Variants in SPATA24 observed in about 807,000 individuals in gnomAD.
SPATA24 encodes the protein spermatogenesis-associated protein 24.
Under a neutral mutation model 28.9 loss-of-function variants are expected in SPATA24, and 21 were observed. The observed-to-expected ratio is 0.73, with a 90% CI of 0.52 to 1.05. The LOEUF (loss-of-function observed/expected upper bound fraction) is 1.05, where lower values mean the gene tolerates loss of function less well. SPATA24 is among the 50% of genes least tolerant of loss of function. SPATA24 has a pLI of 0.00. For missense variants in SPATA24, 215 were observed against 242.9 expected (o/e 0.88, Z 0.76); for synonymous variants, 76 against 89.9 (o/e 0.85, Z 0.88).
At chr5:139,392,783 G>C, downstream of SPATA24, 1 of 1,450,476 alleles carries the variant, frequency 6.9e-7, no homozygotes, top group African/African-American at 1.5e-5. The surrounding 1 kb of genome is among the most constrained non-coding windows in gnomAD (Gnocchi z 5.8). Flanking sequence ...GGGACCAGGC[G>C]CTGGGCCTCT....
At chr5:139,392,966 C>A, downstream of SPATA24, 1 of 1,504,028 alleles carries the variant, frequency 6.6e-7, no homozygotes, top group Non-Finnish European at 8.9e-7. The surrounding 1 kb of genome is among the most constrained non-coding windows in gnomAD (Gnocchi z 5.8). Context: ...GCGTCCCGGG[C>A]GACCGTGTCG....
downstream of SPATA24, chr5:139,394,538 C>T (rs1343525538): frequency 2.7e-6 from 4 of 1,485,596 alleles, no homozygotes; most frequent in Non-Finnish European, 3.6e-6. Flanking sequence ...TGCGCTGGGG[C>T]GGCAGGACTT....
At chr5:139,393,002 G>A (rs770044205), downstream of SPATA24, 284 of 1,518,890 alleles carry the variant, frequency 1.9e-4, no homozygotes, top group Non-Finnish European at 2.3e-4. Context: ...GGCTCGTAGG[G>A]GTGCGGCACC....
rs1758876904 is a variant in SPATA24 at position 139,403,959 on chromosome 5, G to C, written c.102C>G (p.His34Gln). 1.9e-6 allele frequency: 3 copies of C among 1,551,586 alleles called. No homozygotes were observed. Among genetic ancestry groups the C allele is most frequent in the Non-Finnish European group, 2.6e-6 (3 of 1,146,908 alleles). Residue 34 changes from histidine to glutamine, a missense_variant, in exon 1 of 6, where the codon CAC becomes CAG. His to Gln is a conservative substitution (Grantham distance 24, BLOSUM62 0). Transcript: ENST00000450845. ...DVIESQEELI[H>Q]QLRNVMVLQD... ...GGCTGCATACCACGTTCCTCAGCTG[G>C]TGGATTAGTTCCTCCTGAGACTCAA... is the stretch of plus-strand genomic sequence containing the variant.
chr5:139,400,513 G>C (rs1295599933), intron 4 of SPATA24, among the ~76,000 whole-genome samples: 1 of 151,916 alleles, frequency 6.6e-6, no homozygotes, highest in African/African-American at 2.4e-5. Context: ...TCACCATGTT[G>C]GCCAGGCTGG....
intron 4 of SPATA24, among the ~76,000 whole-genome samples, chr5:139,400,920 G>A (rs1270135718): frequency 6.6e-6 from 1 of 152,184 alleles, no homozygotes; most frequent in East Asian, 1.9e-4. Flanking sequence ...CACTTTGGGA[G>A]GCTGAGGTGG....
At chr5:139,396,241 ATGT>A (rs1330319357), downstream of SPATA24, 14 of 985,110 alleles carry the variant, frequency 1.4e-5, no homozygotes, top group Admixed American at 8.0e-4. Flanking sequence ...TTCTGAAAAA[ATGT>A]TGCTGCTCCA....
chr5:139,392,718 G>A (rs116313480), downstream of SPATA24: 1,515 of 1,415,120 alleles, frequency 1.1e-3, 15 homozygotes, highest in African/African-American at 0.021. This position sits in a 1 kb window ranked among gnomAD's most constrained non-coding sequence, Gnocchi z 5.8. Flanking sequence ...CTACGGGGGA[G>A]CGCTGGGATG....
chr5:139,393,589 G>A (rs1280036162), downstream of SPATA24: 1 of 1,550,900 alleles, frequency 6.4e-7, no homozygotes, highest in African/African-American at 1.4e-5. Context: ...GAAGGCCGGC[G>A]GGGACGGGCT....
At chr5:139,394,810 C>A, downstream of SPATA24, 1 of 1,529,246 alleles carries the variant, frequency 6.5e-7, no homozygotes. Flanking sequence ...GGAACCTGGG[C>A]CTCGCGGGAA....
downstream of SPATA24, chr5:139,396,750 A>C: frequency 6.4e-7 from 1 of 1,551,412 alleles, no homozygotes; most frequent in Non-Finnish European, 8.7e-7. Flanking sequence ...CAGAGCAGAG[A>C]AGGCAGAGGC....
intron 4 of SPATA24, among the ~76,000 whole-genome samples, chr5:139,400,401 G>A (rs1444093327): frequency 6.6e-6 from 1 of 151,294 alleles, no homozygotes; most frequent in African/African-American, 2.4e-5. Context: ...CTGCCTCCTG[G>A]GTTCAAGCAG....
intron 1 of SPATA24, among the ~76,000 whole-genome samples, chr5:139,403,302 G>A (rs1758862026): frequency 6.6e-6 from 1 of 152,174 alleles, no homozygotes; most frequent in East Asian, 1.9e-4. Flanking sequence ...AGAATGAGAA[G>A]TAGATGTGAA....
downstream of SPATA24, chr5:139,395,199 T>C: frequency 9.3e-7 from 1 of 1,080,860 alleles, no homozygotes; most frequent in Non-Finnish European, 1.2e-6. Context: ...AGCGGCCGCG[T>C]CCACTCCTGA....
intron 1 of SPATA24, among the ~76,000 whole-genome samples, chr5:139,403,535 C>T (rs1363336518): frequency 1.3e-5 from 2 of 152,170 alleles, no homozygotes; most frequent in African/African-American, 4.8e-5. Flanking sequence ...CTGGCAAGGG[C>T]CAAATCTGCG....
chr5:139,399,476 T>C (rs1311407130), intron 4 of SPATA24, among the ~76,000 whole-genome samples: 1 of 152,096 alleles, frequency 6.6e-6, no homozygotes, highest in Non-Finnish European at 1.5e-5. Context: ...AATGAAGACA[T>C]GAGTTCACCG....
intron 1 of SPATA24, 78 bp downstream of exon 1, chr5:139,403,866 A>C (rs1758874288): frequency 4.8e-6 from 6 of 1,257,138 alleles, no homozygotes; most frequent in Middle Eastern, 1.8e-4. Context: ...CGGCCCCCGC[A>C]TCGGAACAGG....
Position 139,397,160 on chromosome 5 carries a change from C to G in SPATA24, c.386-17G>C. The G allele has an allele frequency of 2.6e-6, 4 of 1,542,116 alleles. No individual in the cohort carries two copies. The South Asian group carries it at 4.8e-5, about 18-fold the overall frequency. On this transcript the variant is annotated splice_polypyrimidine_tract_variant and intron_variant, in intron 4 of 5. Transcript: ENST00000450845. ...ACTCAATCTCTGTGGGGGAGAGAGG[C>G]AGGGAGGAGGGGTGGTTCCCATCCC...
At chr5:139,394,117 G>C, downstream of SPATA24, 1 of 1,548,008 alleles carries the variant, frequency 6.5e-7, no homozygotes, top group South Asian at 1.2e-5. Context: ...GCGCCGAATC[G>C]CGCGCTCGCG....
Sources: gnomAD v4.1 joint callset for allele counts (sites outside exome capture counted in the v4.1 genomes callset) on GRCh38, gnomAD v4.1.1 for gene constraint, Gnocchi (gnomAD v3.1) non-coding constraint, MANE v1.5 for transcripts, NCBI Gene and HGNC (gene_info 2026-07-23, HGNC 2026-07-21) for gene names.